Variants in GPHN observed in about 807,000 individuals in gnomAD.
The protein encoded by GPHN is gephyrin.
A neutral mutation model predicts 95.5 loss-of-function variants in GPHN; 17 were observed. That is an observed-to-expected ratio of 0.18 (90% CI 0.12 to 0.27). The LOEUF (loss-of-function observed/expected upper bound fraction) is 0.27, where lower values mean the gene tolerates loss of function less well. GPHN is among the 10% of genes least tolerant of loss of function. GPHN has a pLI of 1.00. For synonymous variants in GPHN, 320 were observed against 322.5 expected (o/e 0.99, Z 0.08); for missense variants, 660 against 978.1 (o/e 0.67, Z 4.34).
intron 17 of GPHN, among the ~76,000 whole-genome samples, chr14:67,124,225 G>T (rs1447985603): frequency 1.3e-5 from 2 of 151,918 alleles, no homozygotes. Flanking sequence ...GGCCAACATG[G>T]TGAAACCCTG....
chr14:66,790,827 A>G (rs1226325382), intron 3 of GPHN, among the ~76,000 whole-genome samples: 1 of 152,084 alleles, frequency 6.6e-6, no homozygotes, highest in Non-Finnish European at 1.5e-5. Flanking sequence ...TTTCCACAAG[A>G]CCCATCAGCT....
chr14:67,498,596 G>C, the GPHN span, among the ~76,000 whole-genome samples: 1 of 152,182 alleles, frequency 6.6e-6, no homozygotes, highest in Admixed American at 6.6e-5. Flanking sequence ...CAAGAAAGAC[G>C]AAGGAATGAG....
At chr14:66,771,232 G>A (rs1271895175) in intron 2 of GPHN, among the ~76,000 whole-genome samples, 6 of 151,996 alleles carry the variant, frequency 3.9e-5, no homozygotes, top group Non-Finnish European at 2.9e-5. Context: ...TTTGATCACC[G>A]TGGACCTCCA....
At chr14:66,832,620 A>G (rs1261607346) in intron 4 of GPHN, among the ~76,000 whole-genome samples, 18 of 152,106 alleles carry the variant, frequency 1.2e-4, no homozygotes, top group Admixed American at 1.0e-3. Context: ...CACACTTAAG[A>G]CCTTTCTGTT....
At chr14:67,352,416 G>C in the GPHN span, among the ~76,000 whole-genome samples, 2,849 of 145,250 alleles carry the variant, frequency 0.02, 38 homozygotes, top group Middle Eastern at 0.035. Flanking sequence ...TGCAGAGTAA[G>C]ACCTTGCCTC....
At chr14:67,612,951 A>G in the GPHN span, among the ~76,000 whole-genome samples, 4,737 of 152,162 alleles carry the variant, frequency 0.031, 228 homozygotes, top group African/African-American at 0.11. Context: ...AAAAAAAAAA[A>G]AGAAAGAAAA....
chr14:67,595,269 A>C, the GPHN span, among the ~76,000 whole-genome samples: 1 of 152,234 alleles, frequency 6.6e-6, no homozygotes, highest in African/African-American at 2.4e-5. Flanking sequence ...GCTATACTTA[A>C]AGTGAAAAAC....
At chr14:67,089,139 T>TC (rs2077043290) in intron 12 of GPHN, 64 bp downstream of exon 12, 11 of 362,188 alleles carry the variant, frequency 3.0e-5, no homozygotes, top group South Asian at 3.3e-5. Context: ...TTTTCTTTTT[T>TC]TTTTTTTTTT....
At chr14:66,961,900 G>GTGTGTATATA (rs1177915817) in intron 8 of GPHN, among the ~76,000 whole-genome samples, 19 of 53,002 alleles carry the variant, frequency 3.6e-4, no homozygotes, top group African/African-American at 7.5e-4. Flanking sequence ...CCCTGAATGT[G>GTGTGTATATA]TATATATATA....
intron 4 of GPHN, among the ~76,000 whole-genome samples, chr14:66,842,456 GT>G (rs1204146859): frequency 6.6e-6 from 1 of 152,136 alleles, no homozygotes; most frequent in Non-Finnish European, 1.5e-5. Context: ...GCTGGAAACT[GT>G]TTGCACTGGA....
chr14:66,753,534 G>A (rs927838348), intron 2 of GPHN, among the ~76,000 whole-genome samples: 1 of 151,668 alleles, frequency 6.6e-6, no homozygotes, highest in Non-Finnish European at 1.5e-5. Flanking sequence ...TTTAAAGAAA[G>A]TTATATTCTA....
At chr14:67,521,844 G>A in the GPHN span, among the ~76,000 whole-genome samples, 2 of 152,210 alleles carry the variant, frequency 1.3e-5, no homozygotes, top group Non-Finnish European at 2.9e-5. Flanking sequence ...GGGTTTAACT[G>A]TGATCGTAAG....
At chr14:67,244,163 A>C in the GPHN span, among the ~76,000 whole-genome samples, 1 of 152,146 alleles carries the variant, frequency 6.6e-6, no homozygotes, top group Admixed American at 6.5e-5. Flanking sequence ...CCTACTGAAG[A>C]ATTTTCAGTT....
intron 9 of GPHN, among the ~76,000 whole-genome samples, chr14:66,983,347 A>C: frequency 6.6e-6 from 1 of 152,224 alleles, no homozygotes; most frequent in Admixed American, 6.5e-5. Flanking sequence ...GAGGACTAAA[A>C]TAAATAAGGA....
At chr14:67,623,106 T>C in the GPHN span, among the ~76,000 whole-genome samples, 50,180 of 152,042 alleles carry the variant, frequency 0.33, 8,920 homozygotes, top group African/African-American at 0.46. Context: ...ATATCCTTAC[T>C]GTGTAGCTGA....
At chr14:67,412,762 G>T in the GPHN span, among the ~76,000 whole-genome samples, 1 of 151,984 alleles carries the variant, frequency 6.6e-6, no homozygotes, top group Non-Finnish European at 1.5e-5. Context: ...TTGGTTTTTT[G>T]GGGTTTTTTG....
chr14:66,595,412 G>C (rs1595154237), intron 1 of GPHN, among the ~76,000 whole-genome samples: 1 of 152,272 alleles, frequency 6.6e-6, no homozygotes. Flanking sequence ...TATTGCCTTT[G>C]TCTGAATTTT....
chr14:67,151,606 C>T (rs1220482936), intron 18 of GPHN, among the ~76,000 whole-genome samples: 1 of 152,134 alleles, frequency 6.6e-6, no homozygotes, highest in Non-Finnish European at 1.5e-5. Context: ...GGAATTCACT[C>T]CAGGAACCAA....
rs1026787449 is a variant in GPHN at position 67,060,259 on chromosome 14, T to G, written c.1144+1473T>G. Among the ~76,000 whole-genome samples the G allele has an allele frequency of 6.0e-5, 9 of 150,372 alleles. No individual in the cohort carries two copies. The East Asian group carries it at 1.8e-3, about 30-fold the overall frequency. ...ATTTCATTTTTCCTCCAGAGAAAAA[T>G]GCTGTCATATGTATTCTCTTTTCCC... On this transcript the variant is annotated intron_variant, in intron 11 of 22. Transcript: ENST00000478722.
Sources: gnomAD v4.1 joint callset for allele counts (sites outside exome capture counted in the v4.1 genomes callset) on GRCh38, gnomAD v4.1.1 for gene constraint, MANE v1.5 for transcripts, NCBI Gene and HGNC (gene_info 2026-07-23, HGNC 2026-07-21) for gene names.